TEX11: variants seen among roughly 807,000 people sequenced by gnomAD.
TEX11 encodes testis-expressed protein 11.
TEX11 carries 7 observed loss-of-function variants against 84.4 expected under a neutral mutation model. The ratio of observed to expected loss-of-function variants is 0.08; its 90% CI spans 0.05 to 0.16. The LOEUF is 0.16. Among genes scored for constraint, TEX11 ranks in the 10% least tolerant of loss-of-function variants. The probability of loss-of-function intolerance (pLI) is 1.00; values close to 1 mark genes in which losing one functional copy is unlikely to be tolerated. For synonymous variants in TEX11, 264 were observed against 222.8 expected (o/e 1.18, Z -1.64); for missense variants, 551 against 660.5 (o/e 0.83, Z 1.82).
chrX:70,777,510 G>A (rs774730595), intron 9 of TEX11, among the ~76,000 whole-genome samples: 4 of 111,290 alleles, frequency 3.6e-5, no homozygotes, highest in South Asian at 3.8e-4. Context: ...TTAGCTGGGC[G>A]TGGTGGCGCA....
At chrX:70,722,332 C>A (rs2090565934) in intron 13 of TEX11, among the ~76,000 whole-genome samples, 1 of 112,181 alleles carries the variant, frequency 8.9e-6, no homozygotes, top group African/African-American at 3.2e-5. Context: ...AATGCAGTGG[C>A]ACTATCATAG....
At position 70,791,085 on chromosome X, in the gene TEX11, G is replaced by A. The variant is rs572668868; in HGVS notation, c.692+15620C>T. Among the ~76,000 whole-genome samples the A allele has an allele frequency of 8.1e-5, 9 of 111,396 alleles. No homozygotes were observed. The South Asian group carries it at 3.4e-3, about 42-fold the overall frequency. ...GAGTTCATGTCCTTTGTAGGGACAT[G>A]GATGAAGCTGGAAACCATCATCTGC... is the stretch of plus-strand genomic sequence containing the variant. On this transcript the variant is annotated intron_variant, in intron 9 of 29. Transcript: ENST00000374333.
At chrX:70,894,508 C>T (rs1485133360) in intron 2 of TEX11, among the ~76,000 whole-genome samples, 1 of 110,029 alleles carries the variant, frequency 9.1e-6, no homozygotes, top group Non-Finnish European at 1.9e-5. Flanking sequence ...TGCCTGTAGT[C>T]CCAGCTACTC....
At chrX:70,766,330 T>C (rs932420341) in intron 9 of TEX11, among the ~76,000 whole-genome samples, 2 of 109,939 alleles carry the variant, frequency 1.8e-5, no homozygotes, top group African/African-American at 6.6e-5. Context: ...AAGAATCACT[T>C]GAACCCAGGT....
chrX:70,629,499 G>A, intron 18 of TEX11, 112 bp downstream of exon 18: 1 of 905,246 alleles, frequency 1.1e-6, no homozygotes, highest in South Asian at 2.4e-5. Context: ...GAAAATATGA[G>A]GCAAAACAAA....
intron 16 of TEX11, among the ~76,000 whole-genome samples, chrX:70,658,752 A>G (rs1312303758): frequency 9.0e-6 from 1 of 111,560 alleles, no homozygotes; most frequent in African/African-American, 3.3e-5. Context: ...TTCATAAATA[A>G]AAAAACCCAT....
At chrX:70,819,065 A>T (rs1187765434) in intron 8 of TEX11, among the ~76,000 whole-genome samples, 3 of 112,077 alleles carry the variant, frequency 2.7e-5, no homozygotes, top group African/African-American at 9.7e-5. Flanking sequence ...AAAATAAAAG[A>T]AGAGGGAATA....
chrX:70,727,621 A>T (rs1208168021), intron 11 of TEX11, among the ~76,000 whole-genome samples: 1 of 111,648 alleles, frequency 9.0e-6, no homozygotes, highest in Non-Finnish European at 1.9e-5. Flanking sequence ...TAAAATTCAT[A>T]TATTGAATAT....
chrX:70,609,879 T>A (rs1001010090), intron 21 of TEX11, among the ~76,000 whole-genome samples: 4 of 110,235 alleles, frequency 3.6e-5, no homozygotes, highest in African/African-American at 1.3e-4. Flanking sequence ...AGAAAAAAAA[T>A]GTGATACAAC....
chrX:70,751,750 C>T (rs1463346048), intron 9 of TEX11, among the ~76,000 whole-genome samples: 1 of 111,828 alleles, frequency 8.9e-6, no homozygotes, highest in Non-Finnish European at 1.9e-5. Context: ...GAGAGAATTT[C>T]TTGTTAGCCA....
At chrX:70,532,120 T>G (rs2087895784) in intron 28 of TEX11, among the ~76,000 whole-genome samples, 1 of 112,015 alleles carries the variant, frequency 8.9e-6, no homozygotes, top group Non-Finnish European at 1.9e-5. Flanking sequence ...AAATGCCGCA[T>G]TCTATATATC....
At chrX:70,767,469 G>A (rs369021202) in intron 9 of TEX11, among the ~76,000 whole-genome samples, 2 of 111,672 alleles carry the variant, frequency 1.8e-5, no homozygotes, top group African/African-American at 3.3e-5. Flanking sequence ...AACAAATGCT[G>A]GTGAGGGTGT....
chrX:70,584,161 T>C (rs2088819818), intron 25 of TEX11, among the ~76,000 whole-genome samples: 1 of 107,621 alleles, frequency 9.3e-6, no homozygotes, highest in African/African-American at 3.4e-5. Context: ...CGGGCGCCTG[T>C]AGTCCCAGCT....
intron 11 of TEX11, 119 bp downstream of exon 11, chrX:70,740,582 A>C: frequency 4.8e-6 from 2 of 417,495 alleles, no homozygotes; most frequent in Non-Finnish European, 8.0e-6. Flanking sequence ...GTGCTATAGA[A>C]GAGATTATAA....
chrX:70,742,570 A>C (rs1359025474), intron 10 of TEX11, among the ~76,000 whole-genome samples: 3 of 109,118 alleles, frequency 2.7e-5, no homozygotes, highest in Admixed American at 2.0e-4. Flanking sequence ...TCTCTATAAA[A>C]AATTAAAAAT....
At chrX:70,650,361 T>C (rs1029485795) in intron 17 of TEX11, among the ~76,000 whole-genome samples, 3 of 111,874 alleles carry the variant, frequency 2.7e-5, no homozygotes, top group African/African-American at 9.7e-5. Context: ...GTTGATCTGA[T>C]GTTGTATTTA....
At chrX:70,741,736 T>A (rs2147745905) in intron 10 of TEX11, among the ~76,000 whole-genome samples, 1 of 110,796 alleles carries the variant, frequency 9.0e-6, no homozygotes, top group Admixed American at 9.7e-5. Context: ...ACATCTCCCA[T>A]CTAGATCCCT....
chrX:70,894,618 C>T (rs2091757536), intron 2 of TEX11, among the ~76,000 whole-genome samples: 1 of 106,381 alleles, frequency 9.4e-6, no homozygotes, highest in East Asian at 3.0e-4. Flanking sequence ...GAGCGAGACT[C>T]CGTCTAAAAA....
At chrX:70,521,880 A>C in the TEX11 span, among the ~76,000 whole-genome samples, 1 of 110,125 alleles carries the variant, frequency 9.1e-6, no homozygotes. Context: ...TTTTTTTGAG[A>C]CAGAGTCTCA....
Sources: allele counts gnomAD v4.1 joint callset (sites outside exome capture counted in the v4.1 genomes callset), GRCh38; gene constraint gnomAD v4.1.1; transcripts MANE v1.5; gene names NCBI Gene and HGNC (gene_info 2026-07-23, HGNC 2026-07-21).